Variants in RNF180 observed in about 807,000 individuals in gnomAD.
RNF180 encodes the protein ring finger protein 180, also known as E3 ubiquitin-protein ligase RNF180.
Under a neutral mutation model 59.2 loss-of-function variants are expected in RNF180, and 38 were observed. That is an observed-to-expected ratio of 0.64 (90% CI 0.50 to 0.84). RNF180 has a LOEUF of 0.84. RNF180 is among the 40% of genes least tolerant of loss of function. The pLI is 0.00. For synonymous variants in RNF180, 262 were observed against 240.3 expected, an observed-to-expected ratio of 1.09 and a Z score of -0.84; for missense variants, 705 against 700.9, an observed-to-expected ratio of 1.01 and a Z score of -0.07.
intron 5 of RNF180, among the ~76,000 whole-genome samples, chr5:64,245,101 G>A (rs879273332): frequency 2.6e-5 from 4 of 152,210 alleles, no homozygotes; most frequent in East Asian, 1.9e-4. Flanking sequence ...ACTAAATATC[G>A]AATGGAAAAA....
chr5:64,275,939 G>T (rs1297158046), intron 5 of RNF180, among the ~76,000 whole-genome samples: 1 of 152,012 alleles, frequency 6.6e-6, no homozygotes, highest in Non-Finnish European at 1.5e-5. Flanking sequence ...GATGAAGTGA[G>T]CTTCCCTGCT....
At chr5:64,282,345 A>G (rs1387117482) in intron 5 of RNF180, among the ~76,000 whole-genome samples, 1 of 152,158 alleles carries the variant, frequency 6.6e-6, no homozygotes, top group Non-Finnish European at 1.5e-5. Flanking sequence ...AGGTGTTTGT[A>G]ATAGTCTCTG....
intron 5 of RNF180, among the ~76,000 whole-genome samples, chr5:64,250,862 A>C (rs1743524019): frequency 6.6e-6 from 1 of 152,194 alleles, no homozygotes; most frequent in Non-Finnish European, 1.5e-5. Flanking sequence ...TTATAATGCC[A>C]CAATCACCCT....
chr5:64,285,677 C>T (rs1218852696), intron 5 of RNF180, among the ~76,000 whole-genome samples: 1 of 152,100 alleles, frequency 6.6e-6, no homozygotes. Flanking sequence ...GGCTGGGGCC[C>T]CCACACAGGC....
At chr5:64,243,096 A>T (rs1041416505) in intron 5 of RNF180, among the ~76,000 whole-genome samples, 1 of 152,224 alleles carries the variant, frequency 6.6e-6, no homozygotes, top group African/African-American at 2.4e-5. Flanking sequence ...CAACCTGTTG[A>T]CCAGGAGATT....
At position 64,369,642 on chromosome 5, in the gene RNF180, C is replaced by T. The variant is rs1013703271; in HGVS notation, c.1607C>T (p.Thr536Ile). ...GGFRRHAAPV[T>I]RRQFPHGAHR... ...TTCCGCAGACATGCAGCTCCAGTTA[C>T]AAGAAGGCAGTTCCCACACGGTGCA... The change falls in exon 8 of 8, where the codon ACA becomes ATA. Residue 536 changes from threonine to isoleucine, a missense_variant. Coordinates refer to ENST00000389100, the MANE Select transcript of RNF180 (RefSeq NM_001113561.2). 1 of 1,525,452 alleles carries T rather than the reference C, an allele frequency of 6.6e-7. No homozygotes were observed. The highest frequency in any genetic ancestry group is 8.8e-7 in the Non-Finnish European group (1 of 1,138,444). 94.5% of individuals were successfully genotyped at this position (1,525,452 alleles called of 1,614,324 possible). A position where few individuals can be genotyped will look rare whatever the true frequency, so the allele number is the denominator to read the frequency against.
At chr5:64,272,337 C>T (rs747318002) in intron 5 of RNF180, among the ~76,000 whole-genome samples, 5 of 151,728 alleles carry the variant, frequency 3.3e-5, no homozygotes, top group African/African-American at 4.8e-5. Flanking sequence ...AGTATGAGGG[C>T]CAAACATTAC....
chr5:64,311,030 A>G (rs1743738437), intron 5 of RNF180, among the ~76,000 whole-genome samples: 1 of 151,944 alleles, frequency 6.6e-6, no homozygotes, highest in Non-Finnish European at 1.5e-5. Context: ...AGACTTAAAA[A>G]TACCAAGAAG....
chr5:64,171,601 G>T (rs1381793443), intron 1 of RNF180, among the ~76,000 whole-genome samples: 1 of 152,122 alleles, frequency 6.6e-6, no homozygotes, highest in African/African-American at 2.4e-5. Flanking sequence ...CTTAAATATT[G>T]ATTTTAAATA....
At chr5:64,342,754 C>A (rs1745403607) in intron 7 of RNF180, among the ~76,000 whole-genome samples, 1 of 152,032 alleles carries the variant, frequency 6.6e-6, no homozygotes, top group African/African-American at 2.4e-5. Flanking sequence ...ATGCAGAGAA[C>A]CATGCTGTAG....
In RNF180 at chr5:64,281,269, G is replaced by A. The variant is rs1288243226; in HGVS notation, c.1228-43917G>A. 2.6e-5 allele frequency among the ~76,000 whole-genome samples: 4 copies of A among 152,116 alleles called. No homozygotes were observed. The South Asian group carries it at 8.3e-4, about 31-fold the overall frequency. On this transcript the variant is annotated intron_variant, in intron 5 of 7. Coordinates refer to ENST00000389100, the MANE Select transcript of RNF180 (RefSeq NM_001113561.2). ...CCATGAAGATAGTTTGACTTCCTCT[G>A]TTATTATTTGGATGTCTTTTGTTTC...
At chr5:64,332,032 G>C (rs1345979028) in intron 7 of RNF180, among the ~76,000 whole-genome samples, 4 of 152,246 alleles carry the variant, frequency 2.6e-5, no homozygotes, top group Non-Finnish European at 4.4e-5. Context: ...GCCTGGCTGT[G>C]CACAGTGGCT....
chr5:64,197,353 G>T (rs574603490), intron 1 of RNF180, among the ~76,000 whole-genome samples: 97 of 152,170 alleles, frequency 6.4e-4, no homozygotes, highest in Non-Finnish European at 8.4e-4. Context: ...TCATGCCGCT[G>T]GTGTCTGTGA....
intron 5 of RNF180, among the ~76,000 whole-genome samples, chr5:64,274,075 T>C (rs1365726772): frequency 6.6e-6 from 1 of 152,030 alleles, no homozygotes; most frequent in Non-Finnish European, 1.5e-5. Context: ...GGATGATTTT[T>C]TAAAAATTAT....
intron 7 of RNF180, among the ~76,000 whole-genome samples, chr5:64,367,296 A>C (rs935829555): frequency 2.6e-5 from 4 of 151,644 alleles, no homozygotes; most frequent in African/African-American, 9.7e-5. Context: ...ACAAACATAC[A>C]AGAGAAAAAA....
chr5:64,268,884 G>C (rs1326681977), intron 5 of RNF180, among the ~76,000 whole-genome samples: 1 of 152,056 alleles, frequency 6.6e-6, no homozygotes, highest in African/African-American at 2.4e-5. Context: ...TATCACAAGA[G>C]CCCTTCTCTG....
chr5:64,369,835 A>G lies in RNF180; in HGVS notation c.*21A>G, dbSNP rs1746599530. 7.7e-6 allele frequency: 10 copies of G among 1,293,950 alleles called. No individual in the cohort carries two copies. The East Asian group carries it at 2.4e-4, about 31-fold the overall frequency. 80.2% of individuals were successfully genotyped at this position (1,293,950 alleles called of 1,614,324 possible). A position where few individuals can be genotyped will look rare whatever the true frequency, so the allele number is the denominator to read the frequency against. ...TTTAGGAATTTCATACCTTACTACAATTGACCAATCATAAATGATGTAAAT... is the reference window on the plus strand; with the variant it reads ...TTTAGGAATTTCATACCTTACTACAGTTGACCAATCATAAATGATGTAAAT... On this transcript the variant is annotated 3_prime_UTR_variant, in exon 8 of 8. Transcript: ENST00000389100.
At chr5:64,188,290 A>G (rs1750968945) in intron 1 of RNF180, among the ~76,000 whole-genome samples, 1 of 152,082 alleles carries the variant, frequency 6.6e-6, no homozygotes, top group African/African-American at 2.4e-5. Flanking sequence ...TACAAAAGGA[A>G]TGTTCTTTCT....
rs984765562 is a variant in RNF180 at position 64,314,480 on chromosome 5, C to G, written c.1228-10706C>G. ...TATGGTACCTAATAGATGTCTAGTGCTCAAATCTTTGCTTTCTGTTTCCTA... is the reference window on the plus strand; with the variant it reads ...TATGGTACCTAATAGATGTCTAGTGGTCAAATCTTTGCTTTCTGTTTCCTA... On this transcript the variant is annotated intron_variant, in intron 5 of 7. Coordinates refer to ENST00000389100, the MANE Select transcript of RNF180 (RefSeq NM_001113561.2). Among the ~76,000 whole-genome samples, 3 of 152,072 alleles carry G rather than the reference C, an allele frequency of 2.0e-5. No individual in the cohort carries two copies. The South Asian group carries it at 6.2e-4, about 32-fold the overall frequency.
Sources: allele counts gnomAD v4.1 joint callset (sites outside exome capture counted in the v4.1 genomes callset), GRCh38; gene constraint gnomAD v4.1.1; transcripts MANE v1.5; gene names NCBI Gene and HGNC (gene_info 2026-07-23, HGNC 2026-07-21).